Variants in RAB38 observed in about 807,000 individuals in gnomAD.
RAB38 encodes the protein RAB38, member RAS oncogene family.
A neutral mutation model predicts 18.4 loss-of-function variants in RAB38; 15 were observed. That is an observed-to-expected ratio of 0.82 (90% CI 0.55 to 1.26). The LOEUF (loss-of-function observed/expected upper bound fraction) is 1.26, where lower values mean the gene tolerates loss of function less well. RAB38 is among the 50% of genes most tolerant of loss of function. The probability of loss-of-function intolerance (pLI) is 0.00; values close to 1 mark genes in which losing one functional copy is unlikely to be tolerated. For missense variants in RAB38, 294 were observed against 267.4 expected (o/e 1.10, Z -0.69); for synonymous variants, 101 against 104.4 (o/e 0.97, Z 0.20).
chr11:87,872,179 A>T, the RAB38 span, among the ~76,000 whole-genome samples: 1 of 151,582 alleles, frequency 6.6e-6, no homozygotes, highest in East Asian at 2.0e-4. Flanking sequence ...ATTTAGTAGT[A>T]AGCCATTGAA....
At chr11:88,007,130 T>C in the RAB38 span, among the ~76,000 whole-genome samples, 2 of 151,826 alleles carry the variant, frequency 1.3e-5, no homozygotes, top group East Asian at 1.9e-4. Flanking sequence ...TGTACAATTA[T>C]ATAAAAATTA....
the RAB38 span, among the ~76,000 whole-genome samples, chr11:88,017,701 T>TA: frequency 6.9e-6 from 1 of 145,442 alleles, no homozygotes; most frequent in Admixed American, 6.9e-5. Context: ...TAAATTGTAT[T>TA]TTATATATAT....
chr11:87,968,328 A>C, the RAB38 span, among the ~76,000 whole-genome samples: 11 of 152,080 alleles, frequency 7.2e-5, no homozygotes, highest in Admixed American at 7.2e-4. Context: ...TCCTTTTAGT[A>C]TTAGGACTCA....
the RAB38 span, among the ~76,000 whole-genome samples, chr11:87,916,493 A>C: frequency 2.0e-5 from 3 of 152,060 alleles, no homozygotes; most frequent in African/African-American, 7.2e-5. Context: ...GCTTCTTCAC[A>C]TGTGTCCACT....
intron 2 of RAB38, among the ~76,000 whole-genome samples, chr11:88,140,179 T>A (rs902224333): frequency 1.3e-5 from 2 of 152,182 alleles, no homozygotes; most frequent in Admixed American, 6.5e-5. Flanking sequence ...GGGTGCAGCT[T>A]CCCTCACCTT....
chr11:87,947,565 A>C, the RAB38 span, among the ~76,000 whole-genome samples: 1 of 151,954 alleles, frequency 6.6e-6, no homozygotes, highest in Middle Eastern at 3.2e-3. Flanking sequence ...TAATTTTTGT[A>C]TAAAGTGTAA....
chr11:87,868,958 AC>A, the RAB38 span, among the ~76,000 whole-genome samples: 9 of 151,638 alleles, frequency 5.9e-5, 1 homozygote, highest in Admixed American at 5.9e-4. Flanking sequence ...CAAAGGTGAA[AC>A]CAAGACTGGA....
chr11:88,063,471 G>A, the RAB38 span, among the ~76,000 whole-genome samples: 2 of 152,190 alleles, frequency 1.3e-5, no homozygotes, highest in East Asian at 3.9e-4. Flanking sequence ...TTTTTCAGTA[G>A]GGACATGGAG....
the RAB38 span, among the ~76,000 whole-genome samples, chr11:88,076,242 C>T: frequency 2.0e-5 from 3 of 151,948 alleles, no homozygotes; most frequent in Non-Finnish European, 4.4e-5. Flanking sequence ...TTCCTGGATT[C>T]ATACAACAAA....
chr11:87,859,813 A>G, the RAB38 span, among the ~76,000 whole-genome samples: 3 of 151,994 alleles, frequency 2.0e-5, no homozygotes, highest in Non-Finnish European at 4.4e-5. Flanking sequence ...CTCCATTCCC[A>G]GACAGGTTCA....
chr11:87,936,688 G>C, the RAB38 span, among the ~76,000 whole-genome samples: 1 of 152,118 alleles, frequency 6.6e-6, no homozygotes, highest in South Asian at 2.1e-4. Flanking sequence ...ATAAATTTTA[G>C]AATAGTTTTG....
chr11:87,814,071 G>A, the RAB38 span, among the ~76,000 whole-genome samples: 1 of 152,086 alleles, frequency 6.6e-6, no homozygotes, highest in African/African-American at 2.4e-5. Flanking sequence ...ATGGGGTTGT[G>A]CAGACCCATC....
chr11:88,047,009 C>T, the RAB38 span, among the ~76,000 whole-genome samples: 1 of 152,270 alleles, frequency 6.6e-6, no homozygotes, highest in East Asian at 1.9e-4. Context: ...AAAACTTGAC[C>T]TTACTCTTTT....
At chr11:87,833,831 G>C in the RAB38 span, among the ~76,000 whole-genome samples, 1 of 152,174 alleles carries the variant, frequency 6.6e-6, no homozygotes, top group Admixed American at 6.5e-5. Context: ...ATAGAATAAT[G>C]TCCTCCCAAA....
the RAB38 span, among the ~76,000 whole-genome samples, chr11:87,928,550 T>A: frequency 6.6e-6 from 1 of 152,034 alleles, no homozygotes; most frequent in African/African-American, 2.4e-5. Context: ...GCCGAGGTTT[T>A]TTTTAAGTGA....
At chr11:88,111,303 A>G (rs1273879759), downstream of RAB38, among the ~76,000 whole-genome samples, 2 of 151,916 alleles carry the variant, frequency 1.3e-5, no homozygotes, top group Non-Finnish European at 2.9e-5. Context: ...TTCCAGACAC[A>G]CTACTTTCTG....
At chr11:87,878,110 A>T in the RAB38 span, among the ~76,000 whole-genome samples, 941 of 149,206 alleles carry the variant, frequency 6.3e-3, 4 homozygotes, top group South Asian at 0.011. Flanking sequence ...TAGGATCAGA[A>T]CTCATTTTGC....
Position 88,155,256 on chromosome 11 carries a change from G to A in RAB38, c.203-5301C>T, listed in dbSNP as rs753322012. Among the ~76,000 whole-genome samples, 36 of 152,292 alleles carry A rather than the reference G, an allele frequency of 2.4e-4. 1 individual carries two copies. Among genetic ancestry groups the A allele is most frequent in the African/African-American group, 7.2e-4 (30 of 41,570 alleles). The stretch of plus-strand genomic sequence containing the variant: ...AAGCAGGGAGCTCAGACCACTGTGC[G>A]TTCCAAGAATCAGCCCATTGCCTGA... On this transcript the variant is annotated intron_variant, in intron 1 of 2. Coordinates refer to ENST00000243662, the MANE Select transcript of RAB38 (RefSeq NM_022337.3).
At chr11:88,048,182 A>G in the RAB38 span, among the ~76,000 whole-genome samples, 1 of 152,170 alleles carries the variant, frequency 6.6e-6, no homozygotes, top group East Asian at 1.9e-4. Context: ...ACCCTGAGTC[A>G]GGAAACTAAA....
Sources: allele counts gnomAD v4.1 joint callset (sites outside exome capture counted in the v4.1 genomes callset), GRCh38; gene constraint gnomAD v4.1.1; transcripts MANE v1.5; gene names NCBI Gene and HGNC (gene_info 2026-07-23, HGNC 2026-07-21).